Variants in AMZ1 observed in about 807,000 individuals in gnomAD.
AMZ1 encodes archaemetzincin-1.
A neutral mutation model predicts 29.9 loss-of-function variants in AMZ1; 39 were observed. The observed-to-expected ratio is 1.30, with a 90% CI of 1.01 to 1.70. AMZ1 has a LOEUF of 1.70. AMZ1 is among the 40% of genes most tolerant of loss of function. The pLI is 0.00. For synonymous variants in AMZ1, 458 were observed against 304.0 expected (o/e 1.51, Z -5.27); for missense variants, 1,041 against 680.6 (o/e 1.53, Z -5.89).
downstream of AMZ1, among the ~76,000 whole-genome samples, chr7:2,723,381 A>C (rs1789498894): frequency 6.6e-6 from 1 of 152,266 alleles, no homozygotes; most frequent in Admixed American, 6.5e-5. Flanking sequence ...TGTGATTTCC[A>C]GATGCAGGTC....
intron 1 of AMZ1, chr7:2,765,013 C>T (rs952596899): frequency 4.6e-5 from 7 of 152,194 alleles, no homozygotes; most frequent in Non-Finnish European, 8.8e-5. Context: ...AAAATGAAAA[C>T]CTTTCCTTAA....
At position 2,700,363 on chromosome 7, in the gene AMZ1, A is replaced by C; in HGVS notation, c.-89A>C. 4 of 1,456,070 alleles carry C rather than the reference A, an allele frequency of 2.7e-6. No homozygotes were observed. Among genetic ancestry groups the C allele is most frequent in the Non-Finnish European group, 3.7e-6 (4 of 1,085,794 alleles). 90.2% of individuals were successfully genotyped at this position (1,456,070 alleles called of 1,614,324 possible). The stretch of plus-strand genomic sequence containing the variant: ...TAGCCACTCGGATCAGCCCGAGGGA[A>C]GATTCTGGACGAGACCGTGGCCGTC... On this transcript the variant is annotated 5_prime_UTR_variant, in exon 2 of 7. Transcript: ENST00000683327.
At chr7:2,693,095 GTGTTTGTT>G (rs200550211) in intron 1 of AMZ1, among the ~76,000 whole-genome samples, 1 of 152,140 alleles carries the variant, frequency 6.6e-6, no homozygotes, top group African/African-American at 2.4e-5. Context: ...CTGTAGGGGG[GTGTTTGTT>G]TGTTTGTTTG....
chr7:2,741,550 C>G lies in AMZ1; in HGVS notation n.551-23162C>G, dbSNP rs193176514. On this transcript the variant is annotated intron_variant and non_coding_transcript_variant, in intron 4 of 4. Coordinates refer to the AMZ1 transcript ENST00000489665. Reference sequence around the variant, plus strand: ...TCCAGCCTTTGTAGTAGCCAGAACCCAAATTCCAAGTCTCTTTGGGGCTAG... The same window carrying G: ...TCCAGCCTTTGTAGTAGCCAGAACCGAAATTCCAAGTCTCTTTGGGGCTAG... Among the ~76,000 whole-genome samples the G allele has an allele frequency of 1.4e-3, 208 of 152,254 alleles. 2 individuals are homozygous for G. Among genetic ancestry groups the G allele is most frequent in the African/African-American group, 4.6e-3 (190 of 41,532 alleles).
rs149146711 is a variant in AMZ1 at position 2,735,070 on chromosome 7, C to T, written n.550+25254C>T. Among the ~76,000 whole-genome samples the T allele has an allele frequency of 3.7e-3, 557 of 152,256 alleles. 3 individuals are homozygous for T. The highest frequency in any genetic ancestry group is 0.013 in the African/African-American group (526 of 41,552). On this transcript the variant is annotated intron_variant and non_coding_transcript_variant, in intron 4 of 4. Coordinates refer to the AMZ1 transcript ENST00000489665. ...CCTCTGCACATCATGCCTCCTTCCA[C>T]ACCCTGACAGGAAGCAGCTGGGAGA... is the stretch of plus-strand genomic sequence containing the variant.
At position 2,700,674 on chromosome 7, in the gene AMZ1, G is replaced by A. The variant is rs1288129639; in HGVS notation, c.223G>A (p.Glu75Lys). The change falls in exon 2 of 7, where the codon GAG (glutamate) becomes AAG (lysine). Residue 75 changes from glutamate (E) to lysine (K), a missense_variant. By Grantham distance (56) the Glu-to-Lys change is moderately conservative. Transcript: ENST00000683327. Reference sequence around the variant, plus strand: ...GCTCCTGAGCCGACCCGAGGCTCCCGAGGACTTCCAGACCTTCCACGCCTC... The same window carrying A: ...GCTCCTGAGCCGACCCGAGGCTCCCAAGGACTTCCAGACCTTCCACGCCTC... ...DWLLSRPEAPEDFQTFHASLQ... is the reference protein window; with the variant it reads ...DWLLSRPEAPKDFQTFHASLQ... 1.2e-6 allele frequency: 2 copies of A among 1,612,634 alleles called. No homozygotes were observed. Among genetic ancestry groups the A allele is most frequent in the Admixed American group, 1.7e-5 (1 of 60,030 alleles).
At chr7:2,707,946 C>G (rs1357011658) in intron 3 of AMZ1, among the ~76,000 whole-genome samples, 1 of 150,832 alleles carries the variant, frequency 6.6e-6, no homozygotes, top group Non-Finnish European at 1.5e-5. Flanking sequence ...GTCTCAGACT[C>G]CTGAGTAGTT....
At chr7:2,747,532 G>C (rs915590377) in intron 4 of AMZ1, among the ~76,000 whole-genome samples, 4 of 152,116 alleles carry the variant, frequency 2.6e-5, no homozygotes, top group Non-Finnish European at 4.4e-5. Flanking sequence ...AAAATAATAA[G>C]AGCTATCTAT....
chr7:2,739,136 C>T (rs940958923), intron 4 of AMZ1, among the ~76,000 whole-genome samples: 1 of 152,226 alleles, frequency 6.6e-6, no homozygotes, highest in South Asian at 2.1e-4. Context: ...AAAGCACCAG[C>T]CCCCTTGCCT....
In AMZ1 at chr7:2,719,563, T is replaced by C. The variant is rs967354639; in HGVS notation, c.*6685T>C. ...TCCAAGTGGAAATACACCTGGAACA[T>C]TTTATACTGCAATGACTGATGGACG... On this transcript the variant is annotated 3_prime_UTR_variant, in exon 7 of 7. Coordinates refer to ENST00000683327, the MANE Select transcript of AMZ1 (RefSeq NM_001384743.1). Among the ~76,000 whole-genome samples the C allele has an allele frequency of 6.6e-6, 1 of 152,264 alleles. No homozygotes were observed. Among genetic ancestry groups the C allele is most frequent in the African/African-American group, 2.4e-5 (1 of 41,478 alleles).
At chr7:2,722,556 C>G (rs1454011067), downstream of AMZ1, among the ~76,000 whole-genome samples, 1 of 152,236 alleles carries the variant, frequency 6.6e-6, no homozygotes, top group African/African-American at 2.4e-5. Flanking sequence ...CAGGCGTGAG[C>G]CACCGTGCCC....
Position 2,702,823 on chromosome 7 carries a change from G to T in AMZ1, c.406G>T (p.Ala136Ser), listed in dbSNP as rs749945204. 3 of 1,562,346 alleles carry T rather than the reference G, an allele frequency of 1.9e-6. No individual in the cohort carries two copies. The South Asian group carries it at 3.5e-5, about 18-fold the overall frequency. Reference protein sequence around the residue: ...GLRVKCLPSVAAASIRCSSRP... With the variant: ...GLRVKCLPSVSAASIRCSSRP... ...GCGCGTCAAGTGCCTGCCGTCGGTG[G>T]CAGCCGCGTCCATCCGCTGCTCCTC... The change falls in exon 3 of 7, where the codon GCA becomes TCA. Residue 136 changes from alanine (A) to serine (S), a missense_variant. Coordinates refer to ENST00000683327, the MANE Select transcript of AMZ1 (RefSeq NM_001384743.1).
rs1789099116 is a variant in AMZ1, at chr7:2,715,963, T to G, written c.*3085T>G. The stretch of plus-strand genomic sequence containing the variant: ...AAGTCCACTGAATTGCTTTCTCGTC[T>G]CATCTGTCAGAAGCCCCTGCATTCA... On this transcript the variant is annotated 3_prime_UTR_variant, in exon 7 of 7. Coordinates refer to ENST00000683327, the MANE Select transcript of AMZ1 (RefSeq NM_001384743.1). 6.6e-6 allele frequency: 1 copy of G among 151,854 alleles called. No individual in the cohort carries two copies. Among genetic ancestry groups the G allele is most frequent in the African/African-American group, 2.4e-5 (1 of 41,422 alleles). 9.4% of individuals were successfully genotyped at this position (151,854 alleles called of 1,614,324 possible).
chr7:2,754,754 G>C (rs537061280), intron 4 of AMZ1, among the ~76,000 whole-genome samples: 107 of 152,178 alleles, frequency 7.0e-4, no homozygotes, highest in African/African-American at 2.5e-3. Context: ...GCCTCAAAAG[G>C]AGGACTTTTG....
chr7:2,703,208 G>A (rs1267097370), intron 3 of AMZ1, among the ~76,000 whole-genome samples: 6 of 152,194 alleles, frequency 3.9e-5, no homozygotes, highest in South Asian at 4.2e-4. Flanking sequence ...GTGCCGTGGC[G>A]CGATCTCGGC....
intron 1 of AMZ1, among the ~76,000 whole-genome samples, chr7:2,690,372 C>T (rs1787316081): frequency 6.6e-6 from 1 of 152,188 alleles, no homozygotes; most frequent in African/African-American, 2.4e-5. Context: ...GCATGCACAA[C>T]CATGCCCAGC....
intron 1 of AMZ1, among the ~76,000 whole-genome samples, chr7:2,696,030 G>A (rs1160373255): frequency 7.0e-6 from 1 of 143,870 alleles, no homozygotes. Context: ...AAAAAAAAAA[G>A]GAAATGGACA....
intron 4 of AMZ1, among the ~76,000 whole-genome samples, chr7:2,738,231 A>C (rs1790308173): frequency 6.6e-6 from 1 of 152,110 alleles, no homozygotes; most frequent in Admixed American, 6.6e-5. Flanking sequence ...CCTGGCCAAC[A>C]TGGTGAAACC....
chr7:2,764,054 CTGAT>C (rs940935514), upstream of AMZ1, among the ~76,000 whole-genome samples: 10 of 152,042 alleles, frequency 6.6e-5, no homozygotes, highest in Admixed American at 5.2e-4. Flanking sequence ...CTGGTGTCCT[CTGAT>C]TGGTTGAGTA....
Sources: gnomAD v4.1 joint callset for allele counts (sites outside exome capture counted in the v4.1 genomes callset) on GRCh38, gnomAD v4.1.1 for gene constraint, MANE v1.5 for transcripts, NCBI Gene and HGNC (gene_info 2026-07-23, HGNC 2026-07-21) for gene names.